FOXP3: variants seen among roughly 807,000 people sequenced by gnomAD.
FOXP3 encodes the protein forkhead box protein P3.
FOXP3 carries 5 observed loss-of-function variants against 31.2 expected under a neutral mutation model. That is an observed-to-expected ratio of 0.16 (90% CI 0.08 to 0.34). The LOEUF is 0.34. Ranked by LOEUF, FOXP3 falls within the 10% of genes least tolerant of loss-of-function variation. FOXP3 has a pLI of 1.00. For missense variants in FOXP3, 251 were observed against 363.0 expected (o/e 0.69, Z 2.51); for synonymous variants, 141 against 148.8 (o/e 0.95, Z 0.38).
chrX:49,257,275 CG>C, intron 4 of FOXP3, 151 bp downstream of exon 4: 1 of 755,834 alleles, frequency 1.3e-6, no homozygotes, highest in Non-Finnish European at 1.9e-6. Flanking sequence ...CTGCACCTGA[CG>C]TTTTTTGGAG....
rs1557116620 is a variant in FOXP3, at chrX:49,257,734, G to C, written c.245C>G (p.Ser82Cys). Residue 82 changes from serine to cysteine, a missense_variant, in exon 3 of 12, where the codon TCC (serine) becomes TGC (cysteine). Physicochemically the swap from Ser to Cys is moderately radical, Grantham distance 112 (BLOSUM62 -1). Around this residue, in one of 4 missense-constraint regions of FOXP3, gnomAD observed 152 missense variants for 188.1 expected, o/e 0.81. Transcript: ENST00000376207. ...GGGCAAGGGGCCCAGCCGTGCCCCGGAGGGTGCCACCATGACTAGGGGCAG... is the reference window on the plus strand; with the variant it reads ...GGGCAAGGGGCCCAGCCGTGCCCCGCAGGGTGCCACCATGACTAGGGGCAG... The part of the protein sequence containing the change: ...PTLPLVMVAP[S>C]GARLGPLPHL... 1 of 1,175,210 alleles carries C rather than the reference G, an allele frequency of 8.5e-7. No individual in the cohort carries two copies. The highest frequency in any genetic ancestry group is 1.8e-5 in the African/African-American group (1 of 57,094).
chrX:49,259,088 G>C, intron 1 of FOXP3: 1 of 505,392 alleles, frequency 2.0e-6, no homozygotes, highest in Non-Finnish European at 3.6e-6. Context: ...GAGAAGGCGA[G>C]AAGTGGGTAG....
At chrX:49,252,228 G>T (rs1457890456) in intron 10 of FOXP3, among the ~76,000 whole-genome samples, 1 of 109,440 alleles carries the variant, frequency 9.1e-6, no homozygotes, top group Non-Finnish European at 1.9e-5. Flanking sequence ...GGACTCAGGT[G>T]GGGGGTCTAG....
chrX:49,251,165 A>AG lies in FOXP3; in HGVS notation c.*168dup. Reference sequence around the variant, plus strand: ...CTTGGGGCAAAGGATATGATGGGGGAGGGGGTGGCTGCCAGCGGGGGAACA... The same window carrying AG: ...CTTGGGGCAAAGGATATGATGGGGGAGGGGGGTGGCTGCCAGCGGGGGAACA... On this transcript the variant is annotated 3_prime_UTR_variant, in exon 12 of 12. Coordinates refer to ENST00000376207, the MANE Select transcript of FOXP3 (RefSeq NM_014009.4). 1.9e-6 allele frequency: 1 copy of AG among 531,367 alleles called. No homozygotes were observed. The allele number at this position is 531,367 out of a possible 1,213,427, so 43.8% of individuals were successfully genotyped here.
chrX:49,262,498 A>G (rs1207785393), intron 1 of FOXP3, among the ~76,000 whole-genome samples: 1 of 112,221 alleles, frequency 8.9e-6, no homozygotes, highest in African/African-American at 3.2e-5. Context: ...TAGTCAGTCC[A>G]TTATCCCAAC....
At position 49,257,515 on chromosome X, in the gene FOXP3, G is replaced by A; in HGVS notation, c.366C>T (p.Pro122=). The A allele has an allele frequency of 8.6e-7, 1 of 1,167,181 alleles. No individual in the cohort carries two copies. The highest frequency in any genetic ancestry group is 1.2e-6 in the Non-Finnish European group (1 of 868,961). The stretch of plus-strand genomic sequence containing the variant: ...GGCTGATCATGGCTGGGCTCTCCAG[G>A]GGGTGCACCTGCAGCACAGGGGTCC... The part of the protein sequence containing the change: ...HARTPVLQVH[P]LESPAMISLT... The change falls in exon 4 of 12, where the codon CCC becomes CCT. Residue 122 remains proline, a synonymous_variant. Coordinates refer to ENST00000376207, the MANE Select transcript of FOXP3 (RefSeq NM_014009.4).
rs1477191260 is a variant in FOXP3 at position 49,251,032 on chromosome X, T to C, written c.*302A>G. The C allele has an allele frequency of 2.6e-6, 1 of 387,435 alleles. No individual in the cohort carries two copies. The highest frequency in any genetic ancestry group is 4.5e-6 in the Non-Finnish European group (1 of 221,176). The allele number at this position is 387,435 out of a possible 1,213,427, so 31.9% of individuals were successfully genotyped here. A position where few individuals can be genotyped will look rare whatever the true frequency, so the allele number is the denominator to read the frequency against. ...ATCTGTGCGAGCAGCTGAGGCAGGCTCTGTGTGGCTGGTTGTGAAGGCTCT... is the reference window on the plus strand; with the variant it reads ...ATCTGTGCGAGCAGCTGAGGCAGGCCCTGTGTGGCTGGTTGTGAAGGCTCT... On this transcript the variant is annotated 3_prime_UTR_variant, in exon 12 of 12. Transcript: ENST00000376207.
chrX:49,257,189 C>T (rs1339339754), intron 4 of FOXP3, among the ~76,000 whole-genome samples, 177 bp from the exon 5 acceptor site: 1 of 112,670 alleles, frequency 8.9e-6, no homozygotes, highest in South Asian at 3.6e-4. Context: ...GACGGCCATT[C>T]GCAGGTGCTG....
At chrX:49,255,314 A>C in intron 8 of FOXP3, 115 bp downstream of exon 8, 12 of 633,007 alleles carry the variant, frequency 1.9e-5, no homozygotes, top group Non-Finnish European at 2.6e-5. Flanking sequence ...AGCTGGGGAC[A>C]GGGGCCCCTA....
Position 49,257,748 on chromosome X carries a change from G to A in FOXP3, c.231C>T (p.Val77=). 1 of 1,172,077 alleles carries A rather than the reference G, an allele frequency of 8.5e-7. No individual in the cohort carries two copies. Among genetic ancestry groups the A allele is most frequent in the Non-Finnish European group, 1.1e-6 (1 of 874,457 alleles). The change falls in exon 3 of 12, where the codon GTC becomes GTT. Residue 77 remains valine, a synonymous_variant. Coordinates refer to ENST00000376207, the MANE Select transcript of FOXP3 (RefSeq NM_014009.4). ...SQLQLPTLPL[V]MVAPSGARLG... Reference sequence around the variant, plus strand: ...GCCGTGCCCCGGAGGGTGCCACCATGACTAGGGGCAGTGTGGGCAGCTGGG... The same window carrying A: ...GCCGTGCCCCGGAGGGTGCCACCATAACTAGGGGCAGTGTGGGCAGCTGGG...
intron 10 of FOXP3, among the ~76,000 whole-genome samples, chrX:49,252,704 C>T (rs1265440631): frequency 1.1e-4 from 12 of 107,953 alleles, no homozygotes; most frequent in African/African-American, 3.4e-4. Context: ...TACTGGGGTA[C>T]GTTGGGGCCA....
intron 10 of FOXP3, 107 bp downstream of exon 10, chrX:49,253,019 G>T: frequency 1.5e-6 from 1 of 661,830 alleles, no homozygotes; most frequent in Non-Finnish European, 2.3e-6. Context: ...GCTTGGGAAT[G>T]GAGGAACCCA....
chrX:49,262,257 C>A (rs1341811116), intron 1 of FOXP3, among the ~76,000 whole-genome samples: 3 of 112,331 alleles, frequency 2.7e-5, no homozygotes, highest in African/African-American at 9.7e-5. Context: ...CCAGGGACAC[C>A]CATGGCTGGG....
At chrX:49,253,850 C>T in intron 9 of FOXP3, 67 bp downstream of exon 9, 1 of 1,178,253 alleles carries the variant, frequency 8.5e-7, no homozygotes. Flanking sequence ...CTCCTTTGCA[C>T]CCTCCACCCA....
intron 1 of FOXP3, among the ~76,000 whole-genome samples, chrX:49,261,972 C>A (rs2066113164): frequency 8.9e-6 from 1 of 112,404 alleles, no homozygotes; most frequent in African/African-American, 3.2e-5. Flanking sequence ...CTGGTTAAGT[C>A]ATTAGGTGTC....
chrX:49,252,225 G>C (rs1433334083), intron 10 of FOXP3, among the ~76,000 whole-genome samples: 2 of 109,017 alleles, frequency 1.8e-5, no homozygotes, highest in Non-Finnish European at 3.8e-5. Flanking sequence ...GGTGGACTCA[G>C]GTGGGGGGTC....
chrX:49,251,856 C>T (rs782695804), intron 10 of FOXP3, 91 bp from the exon 11 acceptor site: 41 of 1,155,851 alleles, frequency 3.5e-5, no homozygotes, highest in South Asian at 5.7e-5. Flanking sequence ...GACATGGGGG[C>T]GGAATTGTAG....
At chrX:49,259,936 C>T (rs886551799) in intron 1 of FOXP3, among the ~76,000 whole-genome samples, 5 of 111,488 alleles carry the variant, frequency 4.5e-5, no homozygotes, top group East Asian at 2.8e-4. Context: ...GAGAGCAGCC[C>T]GGGGGAGTAT....
At position 49,255,559 on chromosome X, in the gene FOXP3, A is replaced by G. The variant is rs1557116175; in HGVS notation, c.736-50T>C. 7.9e-6 allele frequency: 9 copies of G among 1,137,849 alleles called. No homozygotes were observed. In the South Asian group the frequency reaches 1.3e-4, roughly 17 times the overall value. 93.8% of individuals were successfully genotyped at this position (1,137,849 alleles called of 1,213,427 possible). ...CCTCAGCCTGGCCCTTCTCTGCCACATCTTTGCCCAGGCTACGGTCTTCCC... is the reference window on the plus strand; with the variant it reads ...CCTCAGCCTGGCCCTTCTCTGCCACGTCTTTGCCCAGGCTACGGTCTTCCC... On this transcript the variant is annotated intron_variant, in intron 7 of 11. Transcript: ENST00000376207.
Sources: gnomAD v4.1 joint callset for allele counts (sites outside exome capture counted in the v4.1 genomes callset) on GRCh38, gnomAD v4.1.1 for gene constraint, gnomAD v4.1.1 regional missense constraint, MANE v1.5 for transcripts, NCBI Gene and HGNC (gene_info 2026-07-23, HGNC 2026-07-21) for gene names.